The following CERS6 variants were observed in gnomAD, a reference collection of about 807,000 sequenced individuals.
CERS6 encodes the protein ceramide synthase 6.
CERS6 carries 26 observed loss-of-function variants against 56.8 expected under a neutral mutation model. The ratio of observed to expected loss-of-function variants is 0.46; its 90% CI spans 0.34 to 0.63. The LOEUF (loss-of-function observed/expected upper bound fraction) is 0.63, where lower values mean the gene tolerates loss of function less well. Ranked by LOEUF, CERS6 falls within the 30% of genes least tolerant of loss-of-function variation. The pLI is 0.01. For synonymous variants in CERS6, 164 were observed against 173.3 expected (o/e 0.95, Z 0.42); for missense variants, 415 against 467.5 (o/e 0.89, Z 1.04).
chr2:168,596,082 C>CA (rs11416261), intron 3 of CERS6, among the ~76,000 whole-genome samples: 128,460 of 138,974 alleles, frequency 0.92, 59,351 homozygotes, highest in Middle Eastern at 0.95. Flanking sequence ...GACCCTGTCT[C>CA]AAAAAAAAAA....
At position 168,624,691 on chromosome 2, in the gene CERS6, C is replaced by T. The variant is rs1684550045; in HGVS notation, c.408-6294C>T. ...TCTATCAAACTTGAATCCACAATTA[C>T]TTCATGTCCAAACTTTGTGGAAGGG... On this transcript the variant is annotated intron_variant, in intron 3 of 9. Coordinates refer to ENST00000305747, the MANE Select transcript of CERS6 (RefSeq NM_203463.3). Among the ~76,000 whole-genome samples the T allele has an allele frequency of 2.0e-5, 3 of 152,166 alleles. No individual in the cohort carries two copies. In the South Asian group the frequency reaches 6.2e-4, roughly 31 times the overall value.
chr2:168,474,093 A>G (rs1455367850), intron 1 of CERS6, among the ~76,000 whole-genome samples: 3 of 152,218 alleles, frequency 2.0e-5, no homozygotes, highest in Non-Finnish European at 2.9e-5. Flanking sequence ...TATGAATGGT[A>G]TATTCTGAGT....
intron 6 of CERS6, among the ~76,000 whole-genome samples, chr2:168,701,978 A>G (rs532978606): frequency 2.4e-4 from 37 of 152,344 alleles, no homozygotes; most frequent in African/African-American, 8.2e-4. Context: ...GTTAATAGTT[A>G]TACTGTATTT....
At chr2:168,745,511 G>C (rs548725989) in intron 8 of CERS6, among the ~76,000 whole-genome samples, 3 of 152,226 alleles carry the variant, frequency 2.0e-5, no homozygotes, top group African/African-American at 7.2e-5. Context: ...TAAGTGCTGG[G>C]ATTACAGGCG....
At chr2:168,691,273 T>A (rs1311016781) in intron 5 of CERS6, among the ~76,000 whole-genome samples, 189 bp downstream of exon 5, 1 of 152,188 alleles carries the variant, frequency 6.6e-6, no homozygotes, top group Non-Finnish European at 1.5e-5. Flanking sequence ...AAGTTCAGAA[T>A]CAAGGCCCGA....
chr2:168,714,987 C>G lies in CERS6; in HGVS notation c.610-14C>G. On this transcript the variant is annotated splice_polypyrimidine_tract_variant and intron_variant, in intron 6 of 9. Coordinates refer to ENST00000305747, the MANE Select transcript of CERS6 (RefSeq NM_203463.3). ...TTGCTAAACTCTAATATGGATGTTT[C>G]TTCTTTCCTCAAGGACTTTGGCATT... 1.3e-6 allele frequency: 2 copies of G among 1,596,474 alleles called. No individual in the cohort carries two copies. Among genetic ancestry groups the G allele is most frequent in the Non-Finnish European group, 1.7e-6 (2 of 1,173,854 alleles).
intron 3 of CERS6, among the ~76,000 whole-genome samples, chr2:168,630,290 TG>T (rs1485313155): frequency 9.1e-6 from 1 of 109,608 alleles, no homozygotes; most frequent in Non-Finnish European, 1.9e-5. Context: ...AAGAGTTTTT[TG>T]TAATAAGTAT....
At chr2:168,686,894 C>G (rs992882165) in intron 4 of CERS6, among the ~76,000 whole-genome samples, 28 of 152,154 alleles carry the variant, frequency 1.8e-4, no homozygotes, top group African/African-American at 6.5e-4. Flanking sequence ...GCAAAACACA[C>G]TAGCTTAGAT....
Position 168,711,140 on chromosome 2 carries a change from T to C in CERS6, c.610-3861T>C, listed in dbSNP as rs115332438. Among the ~76,000 whole-genome samples, 651 of 152,358 alleles carry C rather than the reference T, an allele frequency of 4.3e-3. 5 individuals carry two copies. Among genetic ancestry groups the C allele is most frequent in the African/African-American group, 0.015 (617 of 41,584 alleles). ...ATCAATATGTATGGTTGTCCATAAATGTTAGGCACTTTCCAGGGTAGAAAA... is the reference window on the plus strand; with the variant it reads ...ATCAATATGTATGGTTGTCCATAAACGTTAGGCACTTTCCAGGGTAGAAAA... On this transcript the variant is annotated intron_variant, in intron 6 of 9. Coordinates refer to ENST00000305747, the MANE Select transcript of CERS6 (RefSeq NM_203463.3).
intron 1 of CERS6, among the ~76,000 whole-genome samples, chr2:168,504,069 G>A (rs1481332664): frequency 6.6e-6 from 1 of 152,202 alleles, no homozygotes; most frequent in Non-Finnish European, 1.5e-5. Flanking sequence ...GCTAGCTGGT[G>A]GATCAAGTGA....
intron 8 of CERS6, among the ~76,000 whole-genome samples, chr2:168,763,179 C>CT (rs1276124840): frequency 1.4e-5 from 2 of 147,136 alleles, no homozygotes; most frequent in East Asian, 2.0e-4. Flanking sequence ...CTAGCCTCTC[C>CT]TTTTTTCTTT....
At chr2:168,740,644 G>T (rs184266373) in intron 8 of CERS6, among the ~76,000 whole-genome samples, 1 of 152,302 alleles carries the variant, frequency 6.6e-6, no homozygotes, top group Non-Finnish European at 1.5e-5. Context: ...TTAACTCAGC[G>T]CCTGGGGCAT....
At chr2:168,539,327 T>C (rs941857187) in intron 1 of CERS6, among the ~76,000 whole-genome samples, 1 of 152,248 alleles carries the variant, frequency 6.6e-6, no homozygotes, top group Admixed American at 6.5e-5. Flanking sequence ...TTGTCTAAGC[T>C]ATTTAACTAC....
intron 3 of CERS6, among the ~76,000 whole-genome samples, chr2:168,593,661 CAGGTCAGG>C (rs1443155939): frequency 6.6e-6 from 1 of 152,180 alleles, no homozygotes; most frequent in Non-Finnish European, 1.5e-5. Context: ...GAATTTTTGA[CAGGTCAGG>C]AGATTCTGGA....
At chr2:168,738,265 T>G (rs963873719) in intron 8 of CERS6, among the ~76,000 whole-genome samples, 2 of 152,212 alleles carry the variant, frequency 1.3e-5, no homozygotes, top group African/African-American at 2.4e-5. Context: ...TTGTTACATG[T>G]GACCAACAGG....
At chr2:168,745,246 A>ATTT (rs577637175) in intron 8 of CERS6, among the ~76,000 whole-genome samples, 8 of 97,780 alleles carry the variant, frequency 8.2e-5, no homozygotes, top group East Asian at 5.5e-4. Flanking sequence ...TCAGTTTAAA[A>ATTT]ATTTTTTTTT....
At chr2:168,531,745 TGA>T (rs1458007518) in intron 1 of CERS6, among the ~76,000 whole-genome samples, 1 of 150,628 alleles carries the variant, frequency 6.6e-6, no homozygotes, top group Non-Finnish European at 1.5e-5. Flanking sequence ...TGCTTGAACC[TGA>T]GAGGTGGAGG....
intron 3 of CERS6, among the ~76,000 whole-genome samples, chr2:168,605,517 A>G (rs1016816016): frequency 3.3e-5 from 5 of 152,236 alleles, no homozygotes; most frequent in Admixed American, 6.5e-5. Context: ...AGAAATTTGC[A>G]TAGATAAAGA....
chr2:168,741,204 G>A (rs1367825220), intron 8 of CERS6, among the ~76,000 whole-genome samples: 2 of 151,962 alleles, frequency 1.3e-5, no homozygotes, highest in Admixed American at 6.6e-5. Flanking sequence ...CAAAATTGGG[G>A]AATAAAAGCA....
Sources: gnomAD v4.1 joint callset for allele counts (sites outside exome capture counted in the v4.1 genomes callset) on GRCh38, gnomAD v4.1.1 for gene constraint, MANE v1.5 for transcripts, NCBI Gene and HGNC (gene_info 2026-07-23, HGNC 2026-07-21) for gene names.